RASAL2: variants seen among roughly 807,000 people sequenced by gnomAD.
The protein encoded by RASAL2 is ras GTPase-activating protein nGAP.
Under a neutral mutation model 128.9 loss-of-function variants are expected in RASAL2, and 58 were observed. The observed-to-expected ratio is 0.45, with a 90% CI of 0.36 to 0.56. The LOEUF is 0.56. Among genes scored for constraint, RASAL2 ranks in the 20% least tolerant of loss-of-function variants. The pLI is 0.00. For synonymous variants in RASAL2, 561 were observed against 580.8 expected, an observed-to-expected ratio of 0.97 and a Z score of 0.49; for missense variants, 1,360 against 1,601.6, an observed-to-expected ratio of 0.85 and a Z score of 2.57.
At chr1:178,287,825 CAG>C (rs1491528898) in intron 2 of RASAL2, among the ~76,000 whole-genome samples, 3 of 151,934 alleles carry the variant, frequency 2.0e-5, no homozygotes, top group Admixed American at 6.6e-5. Context: ...TTTGGGGACT[CAG>C]GGGAAAGGGT....
At chr1:178,146,484 A>T (rs1395679714) in intron 1 of RASAL2, among the ~76,000 whole-genome samples, 1 of 152,262 alleles carries the variant, frequency 6.6e-6, no homozygotes, top group African/African-American at 2.4e-5. Flanking sequence ...AGATGCTCAA[A>T]AAATACTGGT....
intron 1 of RASAL2, among the ~76,000 whole-genome samples, chr1:178,124,570 C>T (rs973722595): frequency 6.6e-6 from 1 of 152,108 alleles, no homozygotes; most frequent in Admixed American, 6.5e-5. Context: ...AAACGAGTAG[C>T]TTAGTAAGTT....
intron 1 of RASAL2, among the ~76,000 whole-genome samples, chr1:178,203,660 T>C (rs1002884671): frequency 6.6e-6 from 1 of 152,148 alleles, no homozygotes; most frequent in Non-Finnish European, 1.5e-5. Context: ...TCCATTAAAC[T>C]GGAAGTTAAT....
At chr1:178,216,673 T>A (rs542599649) in intron 1 of RASAL2, among the ~76,000 whole-genome samples, 55 of 152,202 alleles carry the variant, frequency 3.6e-4, no homozygotes, top group South Asian at 1.2e-3. Context: ...GGAGTTTCAC[T>A]CTGTTGCTCA....
intron 1 of RASAL2, among the ~76,000 whole-genome samples, chr1:178,264,281 A>C (rs1665836224): frequency 6.6e-6 from 1 of 152,206 alleles, no homozygotes; most frequent in South Asian, 2.1e-4. Flanking sequence ...CAACTCTTTC[A>C]GAGGTTTCTT....
chr1:178,306,724 C>T (rs1668007252), intron 3 of RASAL2, among the ~76,000 whole-genome samples: 1 of 151,824 alleles, frequency 6.6e-6, no homozygotes, highest in East Asian at 1.9e-4. Context: ...TCATGTCCTT[C>T]ACCCACTTTT....
At chr1:178,394,655 C>T (rs1338879647) in intron 4 of RASAL2, among the ~76,000 whole-genome samples, 1 of 152,120 alleles carries the variant, frequency 6.6e-6, no homozygotes, top group African/African-American at 2.4e-5. Flanking sequence ...AAGTATAACA[C>T]AATACAGTTG....
intron 3 of RASAL2, among the ~76,000 whole-genome samples, chr1:178,372,921 A>C (rs545079734): frequency 6.6e-6 from 1 of 152,314 alleles, no homozygotes; most frequent in Admixed American, 6.5e-5. Context: ...TTATTAGGAA[A>C]GTTAGGTTGT....
At chr1:178,157,898 G>T (rs1338793722) in intron 1 of RASAL2, among the ~76,000 whole-genome samples, 1 of 152,050 alleles carries the variant, frequency 6.6e-6, no homozygotes, top group Non-Finnish European at 1.5e-5. Context: ...TTATTCATTT[G>T]CTCATTGGTA....
chr1:178,168,980 G>C (rs189464248), intron 1 of RASAL2, among the ~76,000 whole-genome samples: 3 of 151,868 alleles, frequency 2.0e-5, no homozygotes, highest in Non-Finnish European at 4.4e-5. Context: ...AAGATGTCCC[G>C]GACAATGAAA....
intron 12 of RASAL2, among the ~76,000 whole-genome samples, chr1:178,455,557 C>T (rs1438523128): frequency 6.6e-6 from 1 of 152,214 alleles, no homozygotes; most frequent in Non-Finnish European, 1.5e-5. Context: ...TCCTCCAGTG[C>T]TTAAAATATT....
At chr1:178,232,285 C>G (rs1008285105) in intron 1 of RASAL2, among the ~76,000 whole-genome samples, 5 of 152,104 alleles carry the variant, frequency 3.3e-5, no homozygotes, top group Admixed American at 6.5e-5. Context: ...GTATAAGGTA[C>G]TTGCTTTAAC....
chr1:178,125,448 T>G (rs1373537872), intron 1 of RASAL2: 1 of 152,204 alleles, frequency 6.6e-6, no homozygotes, highest in Non-Finnish European at 1.5e-5. Context: ...GAAGTTTAAT[T>G]GTCTCAGAGT....
At chr1:178,461,343 T>C (rs1210265594) in intron 14 of RASAL2, among the ~76,000 whole-genome samples, 2 of 152,222 alleles carry the variant, frequency 1.3e-5, no homozygotes, top group Admixed American at 1.3e-4. Context: ...TCCATTTATA[T>C]CTTAGCACAA....
At chr1:178,452,370 T>G in intron 10 of RASAL2, 46 bp from the exon 11 acceptor site, 1 of 1,510,770 alleles carries the variant, frequency 6.6e-7, no homozygotes, top group Non-Finnish European at 9.2e-7. Flanking sequence ...GTGCTTGTAC[T>G]GGTACTTCTG....
At chr1:178,455,584 G>C (rs531043124) in intron 12 of RASAL2, among the ~76,000 whole-genome samples, 45 of 152,208 alleles carry the variant, frequency 3.0e-4, no homozygotes, top group Non-Finnish European at 5.3e-4. Flanking sequence ...ACAATAAACT[G>C]TTCCTTATTC....
chr1:178,401,927 T>C (rs1169906165), intron 4 of RASAL2, among the ~76,000 whole-genome samples: 1 of 152,184 alleles, frequency 6.6e-6, no homozygotes, highest in Non-Finnish European at 1.5e-5. Flanking sequence ...TTTCATATTA[T>C]TAACTTTGAA....
At position 178,229,158 on chromosome 1, in the gene RASAL2, C is replaced by T. The variant is rs544553974; in HGVS notation, c.203-54406C>T. 3.2e-4 allele frequency among the ~76,000 whole-genome samples: 48 copies of T among 152,204 alleles called. No individual in the cohort carries two copies. In the South Asian group the frequency reaches 4.1e-3, roughly 13 times the overall value. On this transcript the variant is annotated intron_variant, in intron 1 of 17. Coordinates refer to ENST00000367649, the MANE Select transcript of RASAL2 (RefSeq NM_170692.4). Reference sequence around the variant, plus strand: ...AGAATAAGTTGGAAACATTGTGACCCTCTATCCCTAAATCCTTCTGTGAGT... The same window carrying T: ...AGAATAAGTTGGAAACATTGTGACCTTCTATCCCTAAATCCTTCTGTGAGT...
In RASAL2 at chr1:178,395,409, A is replaced by G. The variant is rs562667819; in HGVS notation, c.564+5203A>G. ...AGAAACTAAGAAGCAGTATTTTCTC[A>G]GTGGCCTTTGTTACTCACATACTAA... On this transcript the variant is annotated intron_variant, in intron 4 of 17. Transcript: ENST00000367649. Among the ~76,000 whole-genome samples, 15 of 152,296 alleles carry G rather than the reference A, an allele frequency of 9.8e-5. No homozygotes were observed. In the South Asian group the frequency reaches 3.1e-3, roughly 32 times the overall value.
Sources: gnomAD v4.1 joint callset for allele counts (sites outside exome capture counted in the v4.1 genomes callset) on GRCh38, gnomAD v4.1.1 for gene constraint, MANE v1.5 for transcripts, NCBI Gene and HGNC (gene_info 2026-07-23, HGNC 2026-07-21) for gene names.